Variants in ASIC2 observed in about 807,000 individuals in gnomAD.
ASIC2 encodes acid sensing ion channel subunit 2.
Under a neutral mutation model 57.3 loss-of-function variants are expected in ASIC2, and 25 were observed. That is an observed-to-expected ratio of 0.44 (90% CI 0.32 to 0.61). ASIC2 has a LOEUF of 0.61. Among genes scored for constraint, ASIC2 ranks in the 20% least tolerant of loss-of-function variants. ASIC2 has a pLI of 0.06. For synonymous variants in ASIC2, 319 were observed against 307.5 expected (o/e 1.04, Z -0.39); for missense variants, 641 against 738.1 (o/e 0.87, Z 1.52).
intron 1 of ASIC2, among the ~76,000 whole-genome samples, chr17:34,067,130 G>C (rs1909201803): frequency 6.6e-6 from 1 of 152,260 alleles, no homozygotes. Flanking sequence ...ACATTTCTTT[G>C]TATTTAATGC....
At chr17:33,464,493 T>C (rs1912758901) in intron 1 of ASIC2, among the ~76,000 whole-genome samples, 1 of 37,174 alleles carries the variant, frequency 2.7e-5, no homozygotes, top group Non-Finnish European at 5.7e-5. Context: ...TCTTTCTTTC[T>C]TTCTTTCTTT....
intron 1 of ASIC2, among the ~76,000 whole-genome samples, chr17:33,872,265 C>T (rs988767561): frequency 9.9e-5 from 15 of 152,118 alleles, no homozygotes; most frequent in Non-Finnish European, 1.5e-4. Context: ...CACAGAACAT[C>T]GGGCCACAGA....
At chr17:33,480,195 T>G (rs1266128874) in intron 1 of ASIC2, among the ~76,000 whole-genome samples, 4 of 152,234 alleles carry the variant, frequency 2.6e-5, no homozygotes, top group African/African-American at 4.8e-5. Context: ...GCTGGGGATA[T>G]AAGGACAAAA....
At chr17:33,415,386 T>C (rs1336764721) in intron 1 of ASIC2, among the ~76,000 whole-genome samples, 4 of 152,206 alleles carry the variant, frequency 2.6e-5, no homozygotes, top group Non-Finnish European at 5.9e-5. Flanking sequence ...ATGTAAATAG[T>C]TGTTATATTT....
chr17:33,802,243 C>T (rs921927636), intron 1 of ASIC2, among the ~76,000 whole-genome samples: 2 of 152,152 alleles, frequency 1.3e-5, no homozygotes, highest in African/African-American at 4.8e-5. Context: ...GTATTCAGTA[C>T]AGTAACATGC....
intron 1 of ASIC2, among the ~76,000 whole-genome samples, chr17:33,399,126 C>T (rs1426633090): frequency 6.6e-6 from 1 of 152,090 alleles, no homozygotes; most frequent in Non-Finnish European, 1.5e-5. Flanking sequence ...CAGATGGTCC[C>T]AGGGAAAGAA....
intron 1 of ASIC2, among the ~76,000 whole-genome samples, chr17:33,139,411 A>G (rs1723987475): frequency 6.6e-6 from 1 of 152,196 alleles, no homozygotes; most frequent in African/African-American, 2.4e-5. Context: ...CTTTCAGTCC[A>G]TTCTGTGTCC....
intron 1 of ASIC2, among the ~76,000 whole-genome samples, chr17:33,364,769 G>A (rs897537310): frequency 6.6e-5 from 10 of 152,136 alleles, no homozygotes; most frequent in African/African-American, 2.2e-4. Context: ...TTATAGCAAC[G>A]TGAGAATGGA....
chr17:33,481,114 A>G (rs1913390123), intron 1 of ASIC2, among the ~76,000 whole-genome samples: 1 of 152,154 alleles, frequency 6.6e-6, no homozygotes, highest in African/African-American at 2.4e-5. Context: ...CATCTTGCAC[A>G]ATTCATTGAA....
chr17:33,535,116 G>A (rs530904056), intron 1 of ASIC2, among the ~76,000 whole-genome samples: 178 of 152,282 alleles, frequency 1.2e-3, no homozygotes, highest in African/African-American at 4.0e-3. Context: ...AGAGATGAAT[G>A]GCCATCCATC....
intron 1 of ASIC2, among the ~76,000 whole-genome samples, chr17:33,414,724 G>A (rs1410042658): frequency 2.6e-5 from 4 of 152,138 alleles, no homozygotes; most frequent in Admixed American, 6.5e-5. Flanking sequence ...TGCTGAACAC[G>A]TTTCATTTCT....
chr17:33,663,024 C>G (rs1395421527), intron 1 of ASIC2, among the ~76,000 whole-genome samples: 4 of 152,188 alleles, frequency 2.6e-5, no homozygotes, highest in Non-Finnish European at 5.9e-5. Flanking sequence ...CACCAGGCAA[C>G]AGGTCTCCAC....
chr17:33,071,609 A>G (rs528533622), intron 3 of ASIC2, among the ~76,000 whole-genome samples: 4 of 152,322 alleles, frequency 2.6e-5, no homozygotes, highest in Admixed American at 2.0e-4. Context: ...CATGGATGCC[A>G]GACATCATGA....
intron 1 of ASIC2, among the ~76,000 whole-genome samples, chr17:34,082,571 T>A (rs1385747089): frequency 6.6e-6 from 1 of 152,216 alleles, no homozygotes; most frequent in African/African-American, 2.4e-5. Flanking sequence ...AAGGCCAGCT[T>A]CTGCAAAAAT....
chr17:33,655,110 T>C (rs1907037306), intron 1 of ASIC2, among the ~76,000 whole-genome samples: 1 of 152,162 alleles, frequency 6.6e-6, no homozygotes, highest in Non-Finnish European at 1.5e-5. Flanking sequence ...TTTAGAATAG[T>C]TTTCTGGCTC....
intron 1 of ASIC2, among the ~76,000 whole-genome samples, chr17:33,201,101 T>A (rs546448120): frequency 6.6e-6 from 1 of 152,274 alleles, no homozygotes; most frequent in South Asian, 2.1e-4. Flanking sequence ...ACATATTCCC[T>A]TCTCCTGATT....
intron 1 of ASIC2, among the ~76,000 whole-genome samples, chr17:33,671,561 G>A (rs552862286): frequency 6.6e-6 from 1 of 152,292 alleles, no homozygotes; most frequent in South Asian, 2.1e-4. Flanking sequence ...GGACTATTTA[G>A]TGTTCTCCTA....
chr17:33,150,806 C>T (rs1339054687), intron 1 of ASIC2, among the ~76,000 whole-genome samples: 3 of 69,190 alleles, frequency 4.3e-5, no homozygotes, highest in South Asian at 1.1e-3. Flanking sequence ...GCCGAGATCC[C>T]GCCACTGCAC....
chr17:33,197,991 C>T (rs1225693294), intron 1 of ASIC2, among the ~76,000 whole-genome samples: 1 of 152,162 alleles, frequency 6.6e-6, no homozygotes, highest in African/African-American at 2.4e-5. Flanking sequence ...AACCTGGCTC[C>T]TGGGAACATT....
Sources: allele counts gnomAD v4.1 joint callset (sites outside exome capture counted in the v4.1 genomes callset), GRCh38; gene constraint gnomAD v4.1.1; transcripts MANE v1.5; gene names NCBI Gene and HGNC (gene_info 2026-07-23, HGNC 2026-07-21).